Variants in TMEM178B observed in about 807,000 individuals in gnomAD.
TMEM178B encodes the protein transmembrane protein 178B.
A neutral mutation model predicts 31.0 loss-of-function variants in TMEM178B; 5 were observed. The observed-to-expected ratio is 0.16, with a 90% CI of 0.08 to 0.34. The LOEUF (loss-of-function observed/expected upper bound fraction) is 0.34, where lower values mean the gene tolerates loss of function less well. Among genes scored for constraint, TMEM178B ranks in the 10% least tolerant of loss-of-function variants. TMEM178B has a pLI of 1.00. For synonymous variants in TMEM178B, 164 were observed against 164.0 expected (o/e 1.00, Z 0.00); for missense variants, 275 against 400.3 (o/e 0.69, Z 2.67).
chr7:141,335,805 G>GGT (rs1799376066), intron 2 of TMEM178B, among the ~76,000 whole-genome samples: 1 of 151,996 alleles, frequency 6.6e-6, no homozygotes, highest in Non-Finnish European at 1.5e-5. Context: ...CTGGGGAGAT[G>GGT]GTGTGTGTGT....
intron 2 of TMEM178B, among the ~76,000 whole-genome samples, chr7:141,432,187 C>T (rs1319856083): frequency 3.7e-5 from 4 of 107,474 alleles, no homozygotes; most frequent in African/African-American, 1.5e-4. Context: ...GACGGAGTCT[C>T]ACTGTCGCCC....
rs373571168 is a variant in TMEM178B, at chr7:141,238,221, A to T, written c.496+25517A>T. 2.5e-4 allele frequency among the ~76,000 whole-genome samples: 38 copies of T among 152,110 alleles called. No individual in the cohort carries two copies. In the South Asian group the frequency reaches 7.1e-3, roughly 28 times the overall value. On this transcript the variant is annotated intron_variant, in intron 2 of 3. Transcript: ENST00000565468. ...GGGAGTAGGACAGGTTGTTGAGAGGAGCTGAGTCTTACCCTGAAGCCCAGG... is the reference window on the plus strand; with the variant it reads ...GGGAGTAGGACAGGTTGTTGAGAGGTGCTGAGTCTTACCCTGAAGCCCAGG...
chr7:141,369,947 T>C (rs1040755609), intron 2 of TMEM178B, among the ~76,000 whole-genome samples: 3 of 151,012 alleles, frequency 2.0e-5, no homozygotes, highest in African/African-American at 7.3e-5. Context: ...AAGGAAAAAA[T>C]TGCTGCTTAT....
intron 3 of TMEM178B, among the ~76,000 whole-genome samples, chr7:141,440,544 G>A (rs1291152309): frequency 6.6e-6 from 1 of 151,792 alleles, no homozygotes; most frequent in Admixed American, 6.6e-5. Context: ...CAACTTTTAA[G>A]GACTATTTCT....
chr7:141,085,241 C>T (rs953119907), intron 1 of TMEM178B, among the ~76,000 whole-genome samples: 1 of 150,708 alleles, frequency 6.6e-6, no homozygotes, highest in Non-Finnish European at 1.5e-5. Flanking sequence ...AGGTGATCCA[C>T]CAGCCTCAGC....
chr7:141,235,277 A>C (rs1399045384), intron 2 of TMEM178B, among the ~76,000 whole-genome samples: 1 of 152,232 alleles, frequency 6.6e-6, no homozygotes, highest in Non-Finnish European at 1.5e-5. Context: ...TGGTTGGTGT[A>C]GAAGACTTGC....
chr7:141,459,860 C>A (rs531422935), intron 3 of TMEM178B, among the ~76,000 whole-genome samples: 1 of 150,842 alleles, frequency 6.6e-6, no homozygotes, highest in South Asian at 2.1e-4. Flanking sequence ...GTGATCCAAT[C>A]TAAACTTACA....
At chr7:141,388,072 G>T (rs765719347) in intron 2 of TMEM178B, among the ~76,000 whole-genome samples, 1 of 152,212 alleles carries the variant, frequency 6.6e-6, no homozygotes, top group Admixed American at 6.5e-5. Flanking sequence ...GGTTGTGACC[G>T]CAGATGACAT....
chr7:141,075,584 C>T (rs1794588578), intron 1 of TMEM178B, among the ~76,000 whole-genome samples: 2 of 152,208 alleles, frequency 1.3e-5, no homozygotes, highest in Non-Finnish European at 2.9e-5. Context: ...ATCCTGTTGT[C>T]AACCCACTGG....
At chr7:141,368,676 G>A (rs1021612476) in intron 2 of TMEM178B, among the ~76,000 whole-genome samples, 26 of 152,174 alleles carry the variant, frequency 1.7e-4, no homozygotes, top group African/African-American at 5.6e-4. Context: ...CATTATTGTG[G>A]ATAAATGTTG....
chr7:141,443,103 C>T (rs1801691679), intron 3 of TMEM178B, among the ~76,000 whole-genome samples: 1 of 152,192 alleles, frequency 6.6e-6, no homozygotes, highest in Non-Finnish European at 1.5e-5. Flanking sequence ...CCTCTAGACC[C>T]TCTGTTTGTT....
intron 2 of TMEM178B, among the ~76,000 whole-genome samples, chr7:141,285,150 G>GTTTTTTTTTTTT (rs1179131184): frequency 1.0e-4 from 8 of 78,972 alleles, no homozygotes; most frequent in African/African-American, 2.4e-4. Flanking sequence ...CAGGATTCTT[G>GTTTTTTTTTTTT]TTTCTTTTTT....
Position 141,473,837 on chromosome 7 carries a change from T to C in TMEM178B, c.*3051T>C, listed in dbSNP as rs1449930555. On this transcript the variant is annotated 3_prime_UTR_variant, in exon 4 of 4. Transcript: ENST00000565468. ...CTGGCCAATGGGAGGACTTCTCAGG[T>C]GACCTTGATCCCTCTAGCATAAGGG... The C allele has an allele frequency of 6.6e-6, 1 of 152,186 alleles. No individual in the cohort carries two copies. Among genetic ancestry groups the C allele is most frequent in the Non-Finnish European group, 1.5e-5 (1 of 68,054 alleles). The allele number at this position is 152,186 out of a possible 1,614,324, so 9.4% of individuals were successfully genotyped here.
chr7:141,289,267 AAGCTAAATAGCCTTATGC>A (rs1447451875), intron 2 of TMEM178B, among the ~76,000 whole-genome samples: 4 of 152,170 alleles, frequency 2.6e-5, no homozygotes, highest in Non-Finnish European at 5.9e-5. Context: ...GTCATCCTAG[AAGCTAAATAGCCTTATGC>A]AGGTTACTTA....
At chr7:141,507,153 C>T in the TMEM178B span, among the ~76,000 whole-genome samples, 3 of 152,098 alleles carry the variant, frequency 2.0e-5, no homozygotes, top group South Asian at 2.1e-4. Context: ...TGCAAGCTGT[C>T]GGTGCATCTA....
the TMEM178B span, among the ~76,000 whole-genome samples, chr7:141,490,992 C>G: frequency 1.7e-3 from 265 of 152,276 alleles, no homozygotes; most frequent in Non-Finnish European, 2.5e-3. Context: ...AAATCCAGAT[C>G]TGTCTGCTCC....
At chr7:141,098,246 T>C (rs1794997842) in intron 1 of TMEM178B, among the ~76,000 whole-genome samples, 1 of 152,208 alleles carries the variant, frequency 6.6e-6, no homozygotes, top group South Asian at 2.1e-4. Flanking sequence ...TCTGTGCCAC[T>C]TGAAACTTTT....
At chr7:141,434,222 T>TGGAC in intron 2 of TMEM178B, among the ~76,000 whole-genome samples, 1 of 152,228 alleles carries the variant, frequency 6.6e-6, no homozygotes. Context: ...GTGGCCAAGG[T>TGGAC]GGACACCTCT....
chr7:141,082,749 C>T (rs950382800), intron 1 of TMEM178B, among the ~76,000 whole-genome samples: 4 of 152,208 alleles, frequency 2.6e-5, no homozygotes, highest in Non-Finnish European at 5.9e-5. Flanking sequence ...CCTAAGGGAG[C>T]TTACACTCCA....
Sources: gnomAD v4.1 joint callset for allele counts (sites outside exome capture counted in the v4.1 genomes callset) on GRCh38, gnomAD v4.1.1 for gene constraint, MANE v1.5 for transcripts, NCBI Gene and HGNC (gene_info 2026-07-23, HGNC 2026-07-21) for gene names.